APP: variants seen among roughly 807,000 people sequenced by gnomAD.
APP encodes the protein amyloid-beta precursor protein.
In APP, 31 loss-of-function variants were observed where a neutral mutation model predicts 101.4. The observed-to-expected ratio is 0.31, with a 90% CI of 0.23 to 0.41. APP has a LOEUF of 0.41. APP is among the 10% of genes least tolerant of loss of function. APP has a pLI of 1.00. For missense variants in APP, 839 were observed against 1,003.7 expected (o/e 0.84, Z 2.22); for synonymous variants, 366 against 364.4 (o/e 1.00, Z -0.05).
intron 5 of APP, among the ~76,000 whole-genome samples, chr21:26,027,984 C>T (rs754756386): frequency 6.6e-6 from 1 of 151,964 alleles, no homozygotes; most frequent in Admixed American, 6.6e-5. Flanking sequence ...CACTTGGGGC[C>T]AGGAGTTCGA....
chr21:26,123,680 A>G (rs776584808), intron 1 of APP, among the ~76,000 whole-genome samples: 11 of 152,346 alleles, frequency 7.2e-5, no homozygotes, highest in Non-Finnish European at 1.3e-4. Flanking sequence ...GGGAGGTAGC[A>G]GTGAAGACTC....
chr21:26,027,083 C>G (rs2211771), intron 5 of APP, among the ~76,000 whole-genome samples: 83,738 of 152,034 alleles, frequency 0.55, 25,775 homozygotes, highest in Middle Eastern at 0.71. Flanking sequence ...TACAGATAAA[C>G]AGGGAGGAAA....
At chr21:26,031,995 A>C (rs1369954039) in intron 5 of APP, among the ~76,000 whole-genome samples, 1 of 152,222 alleles carries the variant, frequency 6.6e-6, no homozygotes, top group Non-Finnish European at 1.5e-5. Context: ...TTATAGCCCA[A>C]GGCCTCCCTT....
chr21:25,886,824 TC>T (rs1206063566), intron 17 of APP, among the ~76,000 whole-genome samples: 1 of 152,090 alleles, frequency 6.6e-6, no homozygotes, highest in Non-Finnish European at 1.5e-5. Flanking sequence ...CTGACCACTC[TC>T]TCCAACTACT....
chr21:25,905,621 G>C lies in APP; in HGVS notation c.1910-544C>G, dbSNP rs145130637. The stretch of plus-strand genomic sequence containing the variant: ...TGAATCAAATTTGTCCTTAGTATGA[G>C]GGCAGAAGAGGGAAACCGCAGTCTT... On this transcript the variant is annotated intron_variant, in intron 14 of 17. Coordinates refer to ENST00000346798, the MANE Select transcript of APP (RefSeq NM_000484.4). Among the ~76,000 whole-genome samples, 277 of 152,294 alleles carry C rather than the reference G, an allele frequency of 1.8e-3. 1 individual carries two copies. The highest frequency in any genetic ancestry group is 6.0e-3 in the African/African-American group (251 of 41,568).
chr21:25,981,298 T>A (rs1203393314), intron 9 of APP, among the ~76,000 whole-genome samples: 1 of 152,264 alleles, frequency 6.6e-6, no homozygotes, highest in Non-Finnish European at 1.5e-5. Flanking sequence ...CTCAAGAGAT[T>A]AAGCATCTGT....
At chr21:26,014,646 T>C (rs755301411) in intron 6 of APP, among the ~76,000 whole-genome samples, 6 of 152,202 alleles carry the variant, frequency 3.9e-5, no homozygotes, top group Non-Finnish European at 8.8e-5. Flanking sequence ...GCAAGCCACT[T>C]TGTTCCTATC....
At chr21:26,143,405 C>T (rs2063089485) in intron 1 of APP, among the ~76,000 whole-genome samples, 1 of 152,188 alleles carries the variant, frequency 6.6e-6, no homozygotes, top group African/African-American at 2.4e-5. Flanking sequence ...TAGGTCACTT[C>T]TTTTATTCTT....
intron 5 of APP, among the ~76,000 whole-genome samples, chr21:26,025,949 A>G (rs892908405): frequency 6.6e-6 from 1 of 152,206 alleles, no homozygotes; most frequent in Admixed American, 6.5e-5. Context: ...GCCAAACACA[A>G]CAACATTACA....
At chr21:25,885,635 G>C (rs1482329497) in intron 17 of APP, among the ~76,000 whole-genome samples, 1 of 152,070 alleles carries the variant, frequency 6.6e-6, no homozygotes, top group Non-Finnish European at 1.5e-5. Flanking sequence ...CCTGAGACCT[G>C]GACCCCTGCA....
intron 16 of APP, among the ~76,000 whole-genome samples, chr21:25,897,329 T>C (rs1180238130): frequency 6.6e-6 from 1 of 152,202 alleles, no homozygotes; most frequent in East Asian, 1.9e-4. Flanking sequence ...TTGGCCAGGC[T>C]GGTCTCGAAT....
chr21:25,993,784 T>C (rs2042955994), intron 8 of APP, among the ~76,000 whole-genome samples: 1 of 152,202 alleles, frequency 6.6e-6, no homozygotes, highest in African/African-American at 2.4e-5. Flanking sequence ...TGGGCACATT[T>C]AGCAATGTCT....
At chr21:26,061,088 T>C (rs1187704048) in intron 3 of APP, among the ~76,000 whole-genome samples, 2 of 152,182 alleles carry the variant, frequency 1.3e-5, no homozygotes, top group African/African-American at 4.8e-5. Flanking sequence ...GAGATGACAA[T>C]GACTTGGACC....
intron 10 of APP, 119 bp from the exon 11 acceptor site, chr21:25,975,347 A>C: frequency 7.7e-7 from 1 of 1,293,774 alleles, no homozygotes; most frequent in Non-Finnish European, 1.1e-6. Flanking sequence ...AGTATCCTAA[A>C]GACTGCATAG....
chr21:26,089,186 G>C (rs45608031), intron 3 of APP, among the ~76,000 whole-genome samples: 5 of 152,290 alleles, frequency 3.3e-5, no homozygotes, highest in African/African-American at 1.2e-4. Flanking sequence ...ACATCTAGAT[G>C]TAAGATACCA....
chr21:25,929,925 A>AAG lies in APP; in HGVS notation c.1688-17965_1688-17964dup, dbSNP rs200135157. ...TTTCTGCTGGAGCTCTGAACCCACT[A>AAG]AGAGAGAGCAAGAAGAGATGTAAAC... On this transcript the variant is annotated intron_variant, in intron 13 of 17. Coordinates refer to ENST00000346798, the MANE Select transcript of APP (RefSeq NM_000484.4). Among the ~76,000 whole-genome samples, 689 of 152,260 alleles carry AAG rather than the reference A, an allele frequency of 4.5e-3. 10 individuals are homozygous for AAG. Among genetic ancestry groups the AAG allele is most frequent in the East Asian group, 0.04 (205 of 5,174 alleles).
chr21:26,140,468 G>T, intron 1 of APP: 1 of 866,334 alleles, frequency 1.2e-6, no homozygotes, highest in Non-Finnish European at 1.6e-6. Flanking sequence ...TCTGTCTTGG[G>T]TAGAGTAAAT....
chr21:26,000,011 T>C lies in APP; in HGVS notation c.1033+4A>G. 1.2e-6 allele frequency: 2 copies of C among 1,613,998 alleles called. No individual in the cohort carries two copies. The highest frequency in any genetic ancestry group is 1.7e-6 in the Non-Finnish European group (2 of 1,179,938). On this transcript the variant is annotated splice_donor_region_variant and intron_variant, in intron 7 of 17. Transcript: ENST00000346798. ...TGGCCAGGCTCGAAGAAGGGTCCACTTACTGGCGCTGCCACACACGGCCAT... is the reference window on the plus strand; with the variant it reads ...TGGCCAGGCTCGAAGAAGGGTCCACCTACTGGCGCTGCCACACACGGCCAT...
intron 7 of APP, among the ~76,000 whole-genome samples, chr21:25,997,782 C>T (rs2043114145): frequency 6.6e-6 from 1 of 152,194 alleles, no homozygotes; most frequent in African/African-American, 2.4e-5. Flanking sequence ...TCGGCTCTGG[C>T]TGTTTGCTGA....
Sources: gnomAD v4.1 joint callset for allele counts (sites outside exome capture counted in the v4.1 genomes callset) on GRCh38, gnomAD v4.1.1 for gene constraint, MANE v1.5 for transcripts, NCBI Gene and HGNC (gene_info 2026-07-23, HGNC 2026-07-21) for gene names.